Variants in MCF2L observed in about 807,000 individuals in gnomAD.
MCF2L encodes the protein MCF.2 cell line derived transforming sequence like.
A neutral mutation model predicts 153.4 loss-of-function variants in MCF2L; 97 were observed. The observed-to-expected ratio is 0.63, with a 90% CI of 0.54 to 0.75. The LOEUF is 0.75. Ranked by LOEUF, MCF2L falls within the 30% of genes least tolerant of loss-of-function variation. The pLI is 0.00. For missense variants in MCF2L, 1,347 were observed against 1,495.2 expected (o/e 0.90, Z 1.64); for synonymous variants, 659 against 632.2 (o/e 1.04, Z -0.64).
chr13:112,917,117 C>A, intron 2 of MCF2L: 2 of 471,286 alleles, frequency 4.2e-6, no homozygotes, highest in Non-Finnish European at 8.8e-6. Flanking sequence ...TACTCAGCCC[C>A]TCGGCGATCT....
intron 1 of MCF2L, among the ~76,000 whole-genome samples, chr13:113,003,540 T>C (rs1011976129): frequency 2.6e-5 from 4 of 151,936 alleles, no homozygotes; most frequent in Non-Finnish European, 5.9e-5. Flanking sequence ...GTCCCCTGGG[T>C]GCCCCCTGGT....
intron 2 of MCF2L, among the ~76,000 whole-genome samples, chr13:112,918,841 C>G (rs1400239129): frequency 6.6e-6 from 1 of 152,182 alleles, no homozygotes; most frequent in Non-Finnish European, 1.5e-5. Flanking sequence ...CTTTCACGAG[C>G]GGGGTCCCAT....
chr13:112,935,715 C>T (rs1175975953), intron 2 of MCF2L, among the ~76,000 whole-genome samples: 1 of 152,186 alleles, frequency 6.6e-6, no homozygotes. Flanking sequence ...TTTCAGCGTA[C>T]ACTGGGTTTA....
chr13:113,085,309 G>C, intron 20 of MCF2L, 131 bp downstream of exon 20: 1 of 736,900 alleles, frequency 1.4e-6, no homozygotes, highest in Non-Finnish European at 2.3e-6. Flanking sequence ...AGCCTGTGCT[G>C]AGGCTGGGAT....
rs1326215671 is a variant in MCF2L at position 112,993,357 on chromosome 13, T to G, written c.80-21406T>G. On this transcript the variant is annotated intron_variant, in intron 1 of 29. Coordinates refer to ENST00000535094, the MANE Select transcript of MCF2L (RefSeq NM_001112732.3). This position sits in a 1 kb window ranked among gnomAD's most constrained non-coding sequence, Gnocchi z 4.6. ...CTGAGGGCTCTGGGGTCAACACCGG[T>G]CCAGGAATTTGACTGTTAGCCACAG... Among the ~76,000 whole-genome samples, 1 of 152,050 alleles carries G rather than the reference T, an allele frequency of 6.6e-6. No homozygotes were observed. Among genetic ancestry groups the G allele is most frequent in the Non-Finnish European group, 1.5e-5 (1 of 67,992 alleles).
At chr13:112,961,884 T>C (rs995764791) in intron 2 of MCF2L, among the ~76,000 whole-genome samples, 3 of 152,126 alleles carry the variant, frequency 2.0e-5, no homozygotes, top group African/African-American at 7.2e-5. Flanking sequence ...AGGCCACTCA[T>C]TCACCCTCAC....
At chr13:113,002,825 G>C (rs1450853585) in intron 1 of MCF2L, among the ~76,000 whole-genome samples, 2 of 152,172 alleles carry the variant, frequency 1.3e-5, no homozygotes, top group Non-Finnish European at 2.9e-5. Context: ...TAGTGAATCA[G>C]ACCTTAACTA....
In MCF2L at chr13:113,081,238, A is replaced by G; in HGVS notation, c.1834A>G (p.Thr612Ala). 1.3e-6 allele frequency: 2 copies of G among 1,592,964 alleles called. No individual in the cohort carries two copies. Among genetic ancestry groups the G allele is most frequent in the Non-Finnish European group, 8.5e-7 (1 of 1,170,816 alleles). Residue 612 changes from threonine (T) to alanine (A), a missense_variant, in exon 16 of 30, where the codon ACA becomes GCA. Physicochemically the swap from Thr to Ala is moderately conservative, Grantham distance 58. Coordinates refer to ENST00000535094, the MANE Select transcript of MCF2L (RefSeq NM_001112732.3). The stretch of plus-strand genomic sequence containing the variant: ...GCACGTGATGAGCGAGCTCCTGGAC[A>G]CAGAACGGGCCTACGTGGAGGAGCT... ...RRHVMSELLD[T>A]ERAYVEELLC...
chr13:113,081,476 A>AG (rs1491315610), intron 16 of MCF2L, among the ~76,000 whole-genome samples, 197 bp downstream of exon 16: 2 of 152,248 alleles, frequency 1.3e-5, no homozygotes, highest in Admixed American at 6.5e-5. Context: ...CAGGCAGCTC[A>AG]GGGGGGTCCG....
chr13:112,908,254 G>C (rs1051885400), intron 2 of MCF2L, among the ~76,000 whole-genome samples: 4 of 152,130 alleles, frequency 2.6e-5, no homozygotes, highest in Non-Finnish European at 4.4e-5. Flanking sequence ...CTGTGTTAGG[G>C]GGATGGGGTG....
At position 113,084,974 on chromosome 13, in the gene MCF2L, C is replaced by G; in HGVS notation, c.2144C>G (p.Pro715Arg). ...CTGTGGAGACAGTGCTCCGACTGCCCGTTTTTCCAGGTTTGTCCCCGGACC... is the reference window on the plus strand; with the variant it reads ...CTGTGGAGACAGTGCTCCGACTGCCGGTTTTTCCAGGTTTGTCCCCGGACC... ...ESLWRQCSDCPFFQECQRKLD... is the reference protein window; with the variant it reads ...ESLWRQCSDCRFFQECQRKLD... Residue 715 changes from proline to arginine, a missense_variant, in exon 19 of 30, where the codon CCG (proline) becomes CGG (arginine). Coordinates refer to ENST00000535094, the MANE Select transcript of MCF2L (RefSeq NM_001112732.3). 1 of 1,613,946 alleles carries G rather than the reference C, an allele frequency of 6.2e-7. No homozygotes were observed. Among genetic ancestry groups the G allele is most frequent in the Non-Finnish European group, 8.5e-7 (1 of 1,179,944 alleles).
chr13:113,085,315 G>C, intron 20 of MCF2L, 137 bp downstream of exon 20: 1 of 712,052 alleles, frequency 1.4e-6, no homozygotes, highest in Non-Finnish European at 2.4e-6. Flanking sequence ...TGCTGAGGCT[G>C]GGATGCCTTT....
In MCF2L at chr13:113,091,843, C is replaced by A. The variant is rs566884022; in HGVS notation, c.2953+2115C>A. On this transcript the variant is annotated intron_variant, in intron 26 of 29. Coordinates refer to ENST00000535094, the MANE Select transcript of MCF2L (RefSeq NM_001112732.3). ...CAGGGACGGGGCTCATGTTTGCAAT[C>A]TTGAGTTTTCAAAAATTTGCAAAGG... Among the ~76,000 whole-genome samples, 244 of 152,288 alleles carry A rather than the reference C, an allele frequency of 1.6e-3. 1 individual carries two copies. Among genetic ancestry groups the A allele is most frequent in the African/African-American group, 5.6e-3 (233 of 41,546 alleles).
chr13:113,053,921 C>T lies in MCF2L; in HGVS notation c.370-6672C>T, dbSNP rs2087544149. Among the ~76,000 whole-genome samples, 1 of 152,142 alleles carries T rather than the reference C, an allele frequency of 6.6e-6. No individual in the cohort carries two copies. The highest frequency in any genetic ancestry group is 6.5e-5 in the Admixed American group (1 of 15,280). ...CTGGTTAACAAGTTGACCAGAAAAA[C>T]AACCCGAATACTCCTCAACTCTTGA... is the stretch of plus-strand genomic sequence containing the variant. On this transcript the variant is annotated intron_variant, in intron 4 of 29. Coordinates refer to ENST00000535094, the MANE Select transcript of MCF2L (RefSeq NM_001112732.3). The surrounding 1 kb of genome is among the most constrained non-coding windows in gnomAD (Gnocchi z 4.4).
upstream of MCF2L, among the ~76,000 whole-genome samples, chr13:112,966,464 CAA>C (rs2081894721): frequency 1.3e-5 from 2 of 152,204 alleles, no homozygotes; most frequent in African/African-American, 4.8e-5. The surrounding 1 kb of genome is among the most constrained non-coding windows in gnomAD (Gnocchi z 4.1). Flanking sequence ...ACACCTTACT[CAA>C]AGTCTACTGA....
chr13:113,094,453 A>G (rs1020599325), intron 26 of MCF2L, 61 bp from the exon 27 acceptor site: 2 of 1,545,048 alleles, frequency 1.3e-6, no homozygotes, highest in Admixed American at 3.9e-5. Context: ...ACCCCACCTC[A>G]GACAGATGCA....
upstream of MCF2L, chr13:112,965,508 T>C (rs1460234727): frequency 6.6e-6 from 1 of 152,126 alleles, no homozygotes; most frequent in African/African-American, 2.4e-5. Context: ...CCCGCGGGGC[T>C]CTCCCAGTCA....
chr13:113,094,459 A>G (rs2035477986), intron 26 of MCF2L, 55 bp from the exon 27 acceptor site: 4 of 1,561,220 alleles, frequency 2.6e-6, no homozygotes, highest in Middle Eastern at 1.7e-4. Flanking sequence ...CCTCAGACAG[A>G]TGCAGACAGC....
Position 112,907,958 on chromosome 13 carries a change from G to T in MCF2L, c.169+5587G>T, listed in dbSNP as rs571050162. Among the ~76,000 whole-genome samples the T allele has an allele frequency of 6.6e-5, 10 of 152,306 alleles. No individual in the cohort carries two copies. The East Asian group carries it at 1.9e-3, about 29-fold the overall frequency. ...TTTGTGGAAATGGTACTTGCAGTGT[G>T]GCTGTCAATGATTAACTTCTTGTTT... is the stretch of plus-strand genomic sequence containing the variant. On this transcript the variant is annotated intron_variant, in intron 2 of 29. Coordinates refer to the MCF2L transcript ENST00000375608. This position sits in a 1 kb window ranked among gnomAD's most constrained non-coding sequence, Gnocchi z 5.1.
Sources: allele counts gnomAD v4.1 joint callset (sites outside exome capture counted in the v4.1 genomes callset), GRCh38; gene constraint gnomAD v4.1.1; non-coding constraint Gnocchi (gnomAD v3.1); transcripts MANE v1.5; gene names NCBI Gene and HGNC (gene_info 2026-07-23, HGNC 2026-07-21).